The following ZCWPW1 variants were observed in gnomAD, a reference collection of about 807,000 sequenced individuals.
The protein encoded by ZCWPW1 is zinc finger CW-type and PWWP domain containing 1.
In ZCWPW1, 56 loss-of-function variants were observed where a neutral mutation model predicts 81.3. The ratio of observed to expected loss-of-function variants is 0.69; its 90% confidence interval spans 0.56 to 0.86. The LOEUF is 0.86. Among genes scored for constraint, ZCWPW1 ranks in the 40% least tolerant of loss-of-function variants. The probability of loss-of-function intolerance (pLI) is 0.00; values close to 1 mark genes in which losing one functional copy is unlikely to be tolerated. For synonymous variants in ZCWPW1, 250 were observed against 273.7 expected, an observed-to-expected ratio of 0.91 and a Z score of 0.86; for missense variants, 650 against 769.8, an observed-to-expected ratio of 0.84 and a Z score of 1.84.
chr7:100,408,512 T>C (rs751281887), intron 10 of ZCWPW1, 27 bp downstream of exon 10: 77 of 1,605,806 alleles, frequency 4.8e-5, no homozygotes, highest in Non-Finnish European at 6.1e-5. Context: ...TTGTGAAGGA[T>C]GCTCTGACTG....
In ZCWPW1 at chr7:100,412,682, C is replaced by T. The variant is rs1794427188; in HGVS notation, c.755-3138G>A. On this transcript the variant is annotated intron_variant, in intron 8 of 17. Transcript: ENST00000684423. Reference sequence around the variant, plus strand: ...CTGCAAGCTCTGCCTCCTGGGTTCACACCATTCTCCTGCCTCAGCCTCCCG... The same window carrying T: ...CTGCAAGCTCTGCCTCCTGGGTTCATACCATTCTCCTGCCTCAGCCTCCCG... 2.6e-5 allele frequency among the ~76,000 whole-genome samples: 4 copies of T among 151,970 alleles called. No individual in the cohort carries two copies. The South Asian group carries it at 8.3e-4, about 32-fold the overall frequency.
rs546619752 is a variant in ZCWPW1, at chr7:100,426,681, C to T, written c.-136-1545G>A. The stretch of plus-strand genomic sequence containing the variant: ...CCTCCTTTACTCCTTCCTCCCTCTT[C>T]CCTCCCTCTCTTCCTTCTTCCCTCC... On this transcript the variant is annotated intron_variant, in intron 1 of 17. Coordinates refer to ENST00000684423, the MANE Select transcript of ZCWPW1 (RefSeq NM_001386010.1). Among the ~76,000 whole-genome samples, 8 of 143,324 alleles carry T rather than the reference C, an allele frequency of 5.6e-5. No homozygotes were observed. In the South Asian group the frequency reaches 1.6e-3, roughly 29 times the overall value. The allele number at this position is 143,324 out of a possible 152,430, so 94.0% of individuals were successfully genotyped here.
chr7:100,402,424 G>A, intron 16 of ZCWPW1, 92 bp downstream of exon 16: 1 of 1,356,420 alleles, frequency 7.4e-7, no homozygotes, highest in Non-Finnish European at 1.1e-6. Flanking sequence ...GCACTGAGAT[G>A]GGCAGTGAGG....
intron 2 of ZCWPW1, among the ~76,000 whole-genome samples, chr7:100,422,275 C>A: frequency 6.6e-6 from 1 of 152,212 alleles, no homozygotes; most frequent in East Asian, 1.9e-4. Context: ...TAATTCAGTG[C>A]TTCACCACCA....
At chr7:100,423,323 C>T (rs1796674573) in intron 2 of ZCWPW1, among the ~76,000 whole-genome samples, 1 of 152,170 alleles carries the variant, frequency 6.6e-6, no homozygotes, top group Admixed American at 6.5e-5. Flanking sequence ...TGTTCTAAAT[C>T]TGTGATCCCC....
At chr7:100,408,870 G>GCAGCTGGAACCAGCTGAAATA (rs1563134677) in intron 9 of ZCWPW1, among the ~76,000 whole-genome samples, 8 of 149,960 alleles carry the variant, frequency 5.3e-5, no homozygotes, top group African/African-American at 1.3e-4. Flanking sequence ...CAGCTGAAAT[G>GCAGCTGGAACCAGCTGAAATA]CAGCTGGAGG....
rs748813696 is a variant in ZCWPW1 at position 100,402,061 on chromosome 7, GTTTA to G, written c.1475-24_1475-21del. On this transcript the variant is annotated intron_variant, in intron 16 of 17. Transcript: ENST00000684423. Reference sequence around the variant, plus strand: ...CAAGCCCTAGCCGTGAGGGAAATGCGTTTATTTCTCTCTAAACGACAACTCGGCA... The same window carrying G: ...CAAGCCCTAGCCGTGAGGGAAATGCGTTTCTCTCTAAACGACAACTCGGCA... The G allele has an allele frequency of 5.0e-6, 8 of 1,590,306 alleles. No individual in the cohort carries two copies. Among genetic ancestry groups the G allele is most frequent in the Non-Finnish European group, 6.9e-6 (8 of 1,167,574 alleles).
In ZCWPW1 at chr7:100,418,005, C is replaced by A. The variant is rs573264262; in HGVS notation, c.362-822G>T. On this transcript the variant is annotated intron_variant, in intron 5 of 17. Coordinates refer to ENST00000684423, the MANE Select transcript of ZCWPW1 (RefSeq NM_001386010.1). ...GTTCAAGCGATTCTCGTGCCTCAGC[C>A]TCCTGAGTAGCTGGGACTAGAGGTG... Among the ~76,000 whole-genome samples, 4 of 152,072 alleles carry A rather than the reference C, an allele frequency of 2.6e-5. No individual in the cohort carries two copies. In the East Asian group the frequency reaches 7.8e-4, roughly 30 times the overall value.
chr7:100,426,288 G>T (rs1797313312), intron 1 of ZCWPW1, among the ~76,000 whole-genome samples: 1 of 152,114 alleles, frequency 6.6e-6, no homozygotes, highest in South Asian at 2.1e-4. Flanking sequence ...AAGGTCAGGA[G>T]TTCAAGACCA....
intron 2 of ZCWPW1, among the ~76,000 whole-genome samples, chr7:100,421,608 C>T (rs1331486432): frequency 6.6e-6 from 1 of 152,158 alleles, no homozygotes; most frequent in Non-Finnish European, 1.5e-5. Context: ...ACCTTAGCAC[C>T]TAATAATGAG....
chr7:100,412,358 G>A (rs1794339987), intron 8 of ZCWPW1, among the ~76,000 whole-genome samples: 2 of 152,078 alleles, frequency 1.3e-5, no homozygotes, highest in African/African-American at 4.8e-5. Flanking sequence ...AAACCTGAAT[G>A]CTTCATCTTA....
At chr7:100,427,171 T>TCCTTCCCTCCCTCCTTCCTTCCTCCC (rs749857311) in intron 1 of ZCWPW1, among the ~76,000 whole-genome samples, 1 of 14,568 alleles carries the variant, frequency 6.9e-5, no homozygotes, top group African/African-American at 3.8e-4. Flanking sequence ...CTCTCTCTTC[T>TCCTTCCCTCCCTCCTTCCTTCCTCCC]CCTTCCCTCC....
At chr7:100,428,355 A>C (rs1230975213) in intron 1 of ZCWPW1, among the ~76,000 whole-genome samples, 1 of 152,194 alleles carries the variant, frequency 6.6e-6, no homozygotes, top group African/African-American at 2.4e-5. Context: ...GCGTTTCCGC[A>C]GCTGAGGTAA....
At chr7:100,410,229 T>C (rs1002347065) in intron 8 of ZCWPW1, among the ~76,000 whole-genome samples, 5 of 152,172 alleles carry the variant, frequency 3.3e-5, no homozygotes, top group East Asian at 1.9e-4. Context: ...AACTCTTCCA[T>C]TGTGGTCTTG....
intron 5 of ZCWPW1, 167 bp from the exon 6 acceptor site, chr7:100,417,350 T>A: frequency 1.8e-6 from 1 of 564,436 alleles, no homozygotes; most frequent in Non-Finnish European, 3.1e-6. Flanking sequence ...TACAAATATG[T>A]ATCTTTCTGC....
intron 12 of ZCWPW1, among the ~76,000 whole-genome samples, chr7:100,405,554 G>A (rs1052402679): frequency 6.6e-6 from 1 of 152,068 alleles, no homozygotes; most frequent in Non-Finnish European, 1.5e-5. Context: ...GTATTGATAC[G>A]ATACTCCTAT....
chr7:100,407,852 T>C (rs1370119864), intron 10 of ZCWPW1, among the ~76,000 whole-genome samples: 1 of 152,184 alleles, frequency 6.6e-6, no homozygotes, highest in Non-Finnish European at 1.5e-5. Flanking sequence ...TTCTGAGCCA[T>C]CCACAATCCT....
intron 3 of ZCWPW1, among the ~76,000 whole-genome samples, chr7:100,420,328 C>G (rs765018887): frequency 6.6e-6 from 1 of 152,310 alleles, no homozygotes; most frequent in South Asian, 2.1e-4. Context: ...ATGATCCTCC[C>G]AGGTATATCT....
chr7:100,426,153 T>C (rs1325408623), intron 1 of ZCWPW1, among the ~76,000 whole-genome samples: 1 of 152,218 alleles, frequency 6.6e-6, no homozygotes, highest in Non-Finnish European at 1.5e-5. Context: ...CCCTTTAGCA[T>C]TGTCCTCTAA....
Sources: allele counts gnomAD v4.1 joint callset (sites outside exome capture counted in the v4.1 genomes callset), GRCh38; gene constraint gnomAD v4.1.1; transcripts MANE v1.5; gene names NCBI Gene and HGNC (gene_info 2026-07-23, HGNC 2026-07-21).